Variants in ACYP2 observed in about 807,000 individuals in gnomAD.
The protein encoded by ACYP2 is acylphosphatase 2.
A neutral mutation model predicts 11.2 loss-of-function variants in ACYP2; 12 were observed. The ratio of observed to expected loss-of-function variants is 1.08; its 90% confidence interval spans 0.69 to 1.74. The LOEUF is 1.74. Ranked by LOEUF, ACYP2 falls within the 40% of genes most tolerant of loss-of-function variation. The probability of loss-of-function intolerance (pLI) is 0.00; values close to 1 mark genes in which losing one functional copy is unlikely to be tolerated. For synonymous variants in ACYP2, 43 were observed against 32.2 expected, an observed-to-expected ratio of 1.33 and a Z score of -1.13; for missense variants, 134 against 101.9, an observed-to-expected ratio of 1.31 and a Z score of -1.35.
chr2:54,108,622 G>T (rs1166019218), intron 4 of ACYP2, among the ~76,000 whole-genome samples: 1 of 151,868 alleles, frequency 6.6e-6, no homozygotes. Context: ...CTGGTGGCTG[G>T]CCCTTTTTCC....
chr2:54,159,372 CTTT>C (rs768866580), intron 6 of ACYP2, among the ~76,000 whole-genome samples: 5 of 113,522 alleles, frequency 4.4e-5, no homozygotes, highest in Non-Finnish European at 5.7e-5. Context: ...TTTTAGGATG[CTTT>C]TTTTTTTTTT....
At chr2:54,225,043 G>A (rs561644405) in intron 6 of ACYP2, among the ~76,000 whole-genome samples, 10 of 152,190 alleles carry the variant, frequency 6.6e-5, no homozygotes, top group Non-Finnish European at 1.2e-4. Flanking sequence ...TTACCATTCT[G>A]GGGGCACAGC....
rs141384106 is a variant in ACYP2, at chr2:54,305,152, A to G, written c.*350A>G. 3.2e-3 allele frequency: 514 copies of G among 159,786 alleles called. No individual in the cohort carries two copies. Among genetic ancestry groups the G allele is most frequent in the African/African-American group, 0.011 (475 of 41,860 alleles). 9.9% of individuals were successfully genotyped at this position (159,786 alleles called of 1,614,324 possible). A position where few individuals can be genotyped will look rare whatever the true frequency, so the allele number is the denominator to read the frequency against. On this transcript the variant is annotated 3_prime_UTR_variant, in exon 7 of 7. Coordinates refer to ENST00000607452, the MANE Select transcript of ACYP2 (RefSeq NM_001320586.2). ...TTAACCATTTAAAAATTATTTTCATATACTGTTGTCTATGTTGAATTATAA... is the reference window on the plus strand; with the variant it reads ...TTAACCATTTAAAAATTATTTTCATGTACTGTTGTCTATGTTGAATTATAA...
At chr2:54,039,917 A>G (rs1675136186) in intron 2 of ACYP2, among the ~76,000 whole-genome samples, 1 of 148,580 alleles carries the variant, frequency 6.7e-6, no homozygotes, top group Admixed American at 6.8e-5. Flanking sequence ...GTGTGGTGGT[A>G]CAATCATAGC....
chr2:53,995,887 C>T, intron 2 of ACYP2, among the ~76,000 whole-genome samples: 1 of 151,536 alleles, frequency 6.6e-6, no homozygotes, highest in East Asian at 2.0e-4. Flanking sequence ...AATCCCAGCA[C>T]GTGGGGAGGC....
chr2:54,167,961 C>A (rs1252170663), intron 6 of ACYP2, among the ~76,000 whole-genome samples: 1 of 152,194 alleles, frequency 6.6e-6, no homozygotes, highest in Admixed American at 6.5e-5. Context: ...TCATCCTGTT[C>A]TTGGGCCCAG....
At chr2:54,293,138 CTG>C (rs1388920244) in intron 6 of ACYP2, among the ~76,000 whole-genome samples, 2 of 152,178 alleles carry the variant, frequency 1.3e-5, no homozygotes, top group Admixed American at 1.3e-4. Flanking sequence ...AGATGAGGCA[CTG>C]AGAGTTTAAG....
At chr2:53,987,144 T>A (rs1161114771) in intron 2 of ACYP2, among the ~76,000 whole-genome samples, 1 of 152,150 alleles carries the variant, frequency 6.6e-6, no homozygotes, top group African/African-American at 2.4e-5. Flanking sequence ...TAATTTGTGA[T>A]ATGAGAGGTT....
intron 2 of ACYP2, among the ~76,000 whole-genome samples, chr2:53,984,886 A>G (rs1283405604): frequency 6.6e-6 from 1 of 151,938 alleles, no homozygotes; most frequent in Non-Finnish European, 1.5e-5. Flanking sequence ...ATAAAAGTGA[A>G]CTTCTTAAAA....
intron 6 of ACYP2, among the ~76,000 whole-genome samples, chr2:54,258,217 C>T (rs1186324914): frequency 6.6e-6 from 1 of 151,196 alleles, no homozygotes; most frequent in Non-Finnish European, 1.5e-5. Flanking sequence ...ATTGAAAGTC[C>T]TGGGGGTAGG....
rs546800237 is a variant in ACYP2 at position 54,005,931 on chromosome 2, G to A, written c.62+32121G>A. 2.0e-5 allele frequency among the ~76,000 whole-genome samples: 3 copies of A among 152,252 alleles called. No homozygotes were observed. In the South Asian group the frequency reaches 6.2e-4, roughly 32 times the overall value. On this transcript the variant is annotated intron_variant, in intron 2 of 6. Transcript: ENST00000607452. ...TCAAGTTGGAAAGAACTGACATCCT[G>A]ATAATATTGAGTTTTCGTAATCATA...
chr2:53,984,892 T>G (rs112082167), intron 2 of ACYP2, among the ~76,000 whole-genome samples: 1 of 151,922 alleles, frequency 6.6e-6, no homozygotes, highest in African/African-American at 2.4e-5. Flanking sequence ...GTGAACTTCT[T>G]AAAACCTGTT....
chr2:54,298,485 C>T (rs372842322), intron 6 of ACYP2, among the ~76,000 whole-genome samples: 79 of 152,214 alleles, frequency 5.2e-4, no homozygotes, highest in African/African-American at 1.7e-3. Flanking sequence ...GGACAAATAA[C>T]GGGAGATAAA....
chr2:54,115,750 G>A (rs756620837), intron 4 of ACYP2: 1 of 1,610,970 alleles, frequency 6.2e-7, no homozygotes, highest in Non-Finnish European at 8.5e-7. Flanking sequence ...GTTCGGAAGA[G>A]TGCAGGGTAG....
chr2:54,110,014 G>T (rs1679376853), intron 4 of ACYP2, among the ~76,000 whole-genome samples: 1 of 152,184 alleles, frequency 6.6e-6, no homozygotes, highest in Non-Finnish European at 1.5e-5. Context: ...GCTCCTGGTA[G>T]ATGCTTCTCA....
At chr2:54,221,648 G>A (rs527564327) in intron 6 of ACYP2, among the ~76,000 whole-genome samples, 1 of 151,172 alleles carries the variant, frequency 6.6e-6, no homozygotes, top group East Asian at 1.9e-4. Context: ...AGCCTCCTGA[G>A]TAGGTGGGAT....
intron 6 of ACYP2, among the ~76,000 whole-genome samples, chr2:54,292,832 T>C (rs1257392330): frequency 6.6e-6 from 1 of 152,210 alleles, no homozygotes; most frequent in Non-Finnish European, 1.5e-5. Flanking sequence ...GAATCACAGT[T>C]CTAACATTTA....
At chr2:54,203,639 A>G (rs1398324766) in intron 6 of ACYP2, among the ~76,000 whole-genome samples, 7 of 152,106 alleles carry the variant, frequency 4.6e-5, no homozygotes, top group Non-Finnish European at 2.9e-5. Context: ...CTATTACTAA[A>G]TTGTTGAGTG....
chr2:54,222,626 T>C (rs1685847368), intron 6 of ACYP2, among the ~76,000 whole-genome samples: 1 of 151,938 alleles, frequency 6.6e-6, no homozygotes. Flanking sequence ...ATTTGCTACA[T>C]AACCCAGAGG....
Sources: gnomAD v4.1 joint callset for allele counts (sites outside exome capture counted in the v4.1 genomes callset) on GRCh38, gnomAD v4.1.1 for gene constraint, MANE v1.5 for transcripts, NCBI Gene and HGNC (gene_info 2026-07-23, HGNC 2026-07-21) for gene names.